The following PAH variants were observed in gnomAD, a reference collection of about 807,000 sequenced individuals.
The protein encoded by PAH is phenylalanine hydroxylase, also known as phenylalanine-4-hydroxylase.
Under a neutral mutation model 62.0 loss-of-function variants are expected in PAH, and 64 were observed. The observed-to-expected ratio is 1.03, with a 90% CI of 0.84 to 1.27. The LOEUF is 1.27. Ranked by LOEUF, PAH falls within the 50% of genes most tolerant of loss-of-function variation. The pLI, the probability that PAH is intolerant of heterozygous loss-of-function variation, is 0.00. For missense variants in PAH, 579 were observed against 542.8 expected, an observed-to-expected ratio of 1.07 and a Z score of -0.66; for synonymous variants, 195 against 196.2, an observed-to-expected ratio of 0.99 and a Z score of 0.05.
chr12:102,928,079 C>T (rs1878735839), intron 1 of PAH, among the ~76,000 whole-genome samples: 1 of 152,210 alleles, frequency 6.6e-6, no homozygotes, highest in East Asian at 1.9e-4. Flanking sequence ...TATTCAGTAC[C>T]AGGCACATCG....
rs1014983039 is a variant in PAH at position 102,927,807 on chromosome 12, A to G, written c.-95-10582T>C. Among the ~76,000 whole-genome samples the G allele has an allele frequency of 6.6e-5, 10 of 152,132 alleles. 1 individual carries two copies. Among genetic ancestry groups the G allele is most frequent in the Admixed American group, 5.9e-4 (9 of 15,270 alleles). Reference sequence around the variant, plus strand: ...ACCCCAACCCTATGCCAAAAAACAAACAAACAAAAACCAAAAAACAAAACC... The same window carrying G: ...ACCCCAACCCTATGCCAAAAAACAAGCAAACAAAAACCAAAAAACAAAACC... On this transcript the variant is annotated intron_variant, in intron 1 of 3. Transcript: ENST00000546844.
upstream of PAH, among the ~76,000 whole-genome samples, chr12:102,955,742 A>G (rs1486934103): frequency 6.6e-6 from 1 of 152,148 alleles, no homozygotes; most frequent in Non-Finnish European, 1.5e-5. Context: ...ATACTTCCAG[A>G]GACCTCTTAG....
At chr12:102,915,335 A>C (rs1048663038) in intron 1 of PAH, 4 of 152,216 alleles carry the variant, frequency 2.6e-5, no homozygotes, top group African/African-American at 9.6e-5. Flanking sequence ...TCATCTAGTT[A>C]AACTCCCTTA....
chr12:102,864,268 G>A (rs1266780406), intron 5 of PAH, among the ~76,000 whole-genome samples: 5 of 152,114 alleles, frequency 3.3e-5, no homozygotes, highest in African/African-American at 1.2e-4. Flanking sequence ...ATGAGGCCTC[G>A]GTGCTTCACT....
chr12:102,893,124 G>A (rs1014252252), intron 3 of PAH, among the ~76,000 whole-genome samples: 7 of 152,200 alleles, frequency 4.6e-5, no homozygotes, highest in Admixed American at 3.9e-4. Context: ...TTAAGGCCAG[G>A]CACAGTGGCT....
At chr12:102,912,670 T>G (rs556323537) in intron 2 of PAH, 121 bp downstream of exon 2, 1 of 755,968 alleles carries the variant, frequency 1.3e-6, no homozygotes, top group African/African-American at 1.7e-5. Flanking sequence ...ATGTAAAAAC[T>G]TGAGCTCAAA....
chr12:102,863,950 A>C (rs1875839468), intron 5 of PAH, among the ~76,000 whole-genome samples: 1 of 152,070 alleles, frequency 6.6e-6, no homozygotes. Flanking sequence ...TCTAGACACA[A>C]TTCCTGGCTC....
intron 4 of PAH, among the ~76,000 whole-genome samples, chr12:102,869,164 G>C (rs1247606076): frequency 6.6e-6 from 1 of 152,168 alleles, no homozygotes; most frequent in Non-Finnish European, 1.5e-5. Flanking sequence ...CTAGGAATGA[G>C]ATATCCATGA....
At chr12:102,943,676 G>A (rs1462666553) in intron 1 of PAH, among the ~76,000 whole-genome samples, 1 of 152,056 alleles carries the variant, frequency 6.6e-6, no homozygotes, top group Non-Finnish European at 1.5e-5. Context: ...GCCCATCAAT[G>A]GTAGACTGGA....
intron 3 of PAH, among the ~76,000 whole-genome samples, chr12:102,892,866 G>A (rs916728238): frequency 1.3e-5 from 2 of 152,262 alleles, no homozygotes; most frequent in African/African-American, 4.8e-5. Flanking sequence ...TGAAATGGTA[G>A]ATACATGACA....
intron 5 of PAH, among the ~76,000 whole-genome samples, chr12:102,856,966 G>C (rs1337475778): frequency 1.3e-5 from 2 of 152,210 alleles, no homozygotes; most frequent in Non-Finnish European, 2.9e-5. Flanking sequence ...GCCAGCAATG[G>C]AACAAAGCTG....
intron 2 of PAH, among the ~76,000 whole-genome samples, chr12:102,906,589 T>A (rs960921059): frequency 2.6e-5 from 4 of 152,108 alleles, no homozygotes; most frequent in African/African-American, 9.7e-5. Flanking sequence ...ATTCACAAAA[T>A]ATATATATAG....
chr12:102,926,816 T>TGG (rs1555210556), intron 1 of PAH, among the ~76,000 whole-genome samples: 15 of 151,964 alleles, frequency 9.9e-5, no homozygotes, highest in African/African-American at 2.2e-4. Context: ...TTATTTTATG[T>TGG]CCATTGTATC....
rs142516271 is a variant in PAH at position 102,894,798 on chromosome 12, T to G, written c.289A>C (p.Ile97Leu). 9.1e-5 allele frequency: 147 copies of G among 1,614,064 alleles called. No individual in the cohort carries two copies. The African/African-American group carries it at 1.7e-3, about 18-fold the overall frequency. ...GTGGCACCAATGTCATGCCTCAAGA[T>G]CTTGATGATGTTTGTCAGAGCAGGC... ...SLPALTNIIK[I>L]LRHDIGATVH... The change falls in exon 3 of 13, where the codon ATC becomes CTC. Residue 97 changes from isoleucine (I) to leucine (L), a missense_variant. Ile to Leu is a conservative substitution (Grantham distance 5, BLOSUM62 2). Coordinates refer to ENST00000553106, the MANE Select transcript of PAH (RefSeq NM_000277.3).
chr12:102,883,920 C>G (rs191225146), intron 3 of PAH, among the ~76,000 whole-genome samples: 1 of 152,188 alleles, frequency 6.6e-6, no homozygotes, highest in African/African-American at 2.4e-5. Context: ...ACTAATAGTA[C>G]GTCCTTCAGA....
In PAH at chr12:102,878,418, C is replaced by T. The variant is rs71466239; in HGVS notation, c.353-868G>A. 9.7e-3 allele frequency among the ~76,000 whole-genome samples: 1,483 copies of T among 152,112 alleles called. 10 individuals are homozygous for T. The highest frequency in any genetic ancestry group is 0.016 in the Admixed American group (248 of 15,256). On this transcript the variant is annotated intron_variant, in intron 3 of 12. Coordinates refer to ENST00000553106, the MANE Select transcript of PAH (RefSeq NM_000277.3). ...AGGGGTTGGGCTTGAGTGGGGTGGA[C>T]TACAACACCTGGGTCTTGCAGAGAG...
chr12:102,943,499 A>G (rs939013207), intron 1 of PAH, among the ~76,000 whole-genome samples: 7 of 152,172 alleles, frequency 4.6e-5, no homozygotes, highest in African/African-American at 1.7e-4. Flanking sequence ...GCCACTGTGG[A>G]AAGCTGTTTG....
At chr12:102,933,116 T>C (rs930665030) in intron 1 of PAH, among the ~76,000 whole-genome samples, 2 of 152,182 alleles carry the variant, frequency 1.3e-5, no homozygotes, top group African/African-American at 4.8e-5. Context: ...CATCCACGCT[T>C]TCACCACCAC....
intron 4 of PAH, among the ~76,000 whole-genome samples, chr12:102,868,176 GTATATATATA>G (rs201396594): frequency 0.016 from 38 of 2,350 alleles, 3 homozygotes; most frequent in African/African-American, 0.046. Flanking sequence ...ACATATATGT[GTATATATATA>G]TATATATATA....
Sources: gnomAD v4.1 joint callset for allele counts (sites outside exome capture counted in the v4.1 genomes callset) on GRCh38, gnomAD v4.1.1 for gene constraint, MANE v1.5 for transcripts, NCBI Gene and HGNC (gene_info 2026-07-23, HGNC 2026-07-21) for gene names.